The following ACOXL variants were observed in gnomAD, a reference collection of about 807,000 sequenced individuals.
The protein encoded by ACOXL is acyl-coenzyme A oxidase-like protein.
A neutral mutation model predicts 71.9 loss-of-function variants in ACOXL; 70 were observed. The ratio of observed to expected loss-of-function variants is 0.97; its 90% confidence interval spans 0.80 to 1.19. ACOXL has a LOEUF of 1.19. Among genes scored for constraint, ACOXL ranks in the 50% most tolerant of loss-of-function variants. The pLI, the probability that ACOXL is intolerant of heterozygous loss-of-function variation, is 0.00. For synonymous variants in ACOXL, 253 were observed against 281.6 expected, an observed-to-expected ratio of 0.90 and a Z score of 1.02; for missense variants, 703 against 736.3, an observed-to-expected ratio of 0.95 and a Z score of 0.52.
intron 2 of ACOXL, among the ~76,000 whole-genome samples, chr2:110,779,252 C>T (rs1455886542): frequency 6.6e-6 from 1 of 152,182 alleles, no homozygotes; most frequent in African/African-American, 2.4e-5. Context: ...TTACAGAATG[C>T]TCCCAGGATC....
chr2:110,843,838 A>G (rs1691474267), intron 10 of ACOXL, among the ~76,000 whole-genome samples: 1 of 152,168 alleles, frequency 6.6e-6, no homozygotes, highest in African/African-American at 2.4e-5. Context: ...GGATATTTAC[A>G]TAAGTGCAAC....
chr2:110,900,082 CACAT>C lies in ACOXL; in HGVS notation c.789-8703_789-8700del, dbSNP rs1259098983. On this transcript the variant is annotated intron_variant, in intron 10 of 17. Coordinates refer to ENST00000439055, the MANE Select transcript of ACOXL (RefSeq NM_001142807.4). ...GTTAGAAAGCTTTTCAACACACACACACATACACACACACACACACACACACACA... is the reference window on the plus strand; with the variant it reads ...GTTAGAAAGCTTTTCAACACACACACACACACACACACACACACACACACA... Among the ~76,000 whole-genome samples the C allele has an allele frequency of 2.2e-3, 219 of 97,634 alleles. 2 individuals are homozygous for C. The highest frequency in any genetic ancestry group is 6.5e-3 in the African/African-American group (184 of 28,182). The allele number at this position is 97,634 out of a possible 152,430, so 64.1% of individuals were successfully genotyped here. A position where few individuals can be genotyped will look rare whatever the true frequency, so the allele number is the denominator to read the frequency against.
At chr2:110,954,674 A>G (rs3789115) in intron 12 of ACOXL, among the ~76,000 whole-genome samples, 76,708 of 151,958 alleles carry the variant, frequency 0.5, 19,550 homozygotes, top group Middle Eastern at 0.58. Flanking sequence ...TGATCCCACA[A>G]ATTAGCCATC....
chr2:110,741,717 G>C (rs181076390), intron 1 of ACOXL, among the ~76,000 whole-genome samples: 1 of 152,314 alleles, frequency 6.6e-6, no homozygotes, highest in Non-Finnish European at 1.5e-5. Flanking sequence ...TAGATGGGCA[G>C]GTATGAAGAG....
At chr2:110,998,656 G>A (rs1240377568) in intron 14 of ACOXL, among the ~76,000 whole-genome samples, 1 of 152,204 alleles carries the variant, frequency 6.6e-6, no homozygotes, top group Non-Finnish European at 1.5e-5. Context: ...CTTGAACTGA[G>A]TTGATCTGGT....
At position 111,080,548 on chromosome 2, in the gene ACOXL, A is replaced by C. The variant is rs1293280760; in HGVS notation, c.1441-12317A>C. ...TAATTAATAGCCTATCAACCAAAAA[A>C]AGCCCAGGACAAGATGGATTCACAG... On this transcript the variant is annotated intron_variant, in intron 16 of 17. Transcript: ENST00000439055. Among the ~76,000 whole-genome samples, 3 of 152,212 alleles carry C rather than the reference A, an allele frequency of 2.0e-5. No homozygotes were observed. In the East Asian group the frequency reaches 5.8e-4, roughly 29 times the overall value.
chr2:110,963,012 T>G (rs912893044), intron 12 of ACOXL, among the ~76,000 whole-genome samples: 1 of 152,206 alleles, frequency 6.6e-6, no homozygotes, highest in Non-Finnish European at 1.5e-5. Flanking sequence ...CAAACTTACT[T>G]TCTCCTGTGT....
intron 17 of ACOXL, among the ~76,000 whole-genome samples, chr2:111,107,582 G>A (rs952820504): frequency 5.3e-5 from 8 of 152,210 alleles, no homozygotes; most frequent in South Asian, 4.1e-4. Context: ...TCTGCCTCCT[G>A]GATTCAAGTG....
intron 10 of ACOXL, among the ~76,000 whole-genome samples, chr2:110,864,023 A>G (rs113758553): frequency 6.6e-6 from 1 of 152,030 alleles, no homozygotes; most frequent in Non-Finnish European, 1.5e-5. Flanking sequence ...AGCTAAAGCC[A>G]CTCAGATCCC....
intron 17 of ACOXL, among the ~76,000 whole-genome samples, chr2:111,095,011 A>T (rs531906725): frequency 2.4e-4 from 36 of 152,294 alleles, no homozygotes; most frequent in Non-Finnish European, 4.0e-4. Context: ...ACAGGCCCAG[A>T]ACTAACAGTG....
chr2:110,803,163 G>A (rs1240891601), intron 8 of ACOXL, among the ~76,000 whole-genome samples: 1 of 152,088 alleles, frequency 6.6e-6, no homozygotes, highest in Non-Finnish European at 1.5e-5. Flanking sequence ...AAGTCCCCCA[G>A]GCCCCCTCAG....
chr2:110,952,271 A>G (rs1440054402), intron 12 of ACOXL, among the ~76,000 whole-genome samples: 1 of 152,184 alleles, frequency 6.6e-6, no homozygotes, highest in African/African-American at 2.4e-5. Flanking sequence ...CATAAAGTCC[A>G]TGATACCCTT....
intron 10 of ACOXL, among the ~76,000 whole-genome samples, chr2:110,875,749 C>T (rs950759893): frequency 1.3e-5 from 2 of 152,174 alleles, no homozygotes; most frequent in Non-Finnish European, 2.9e-5. Flanking sequence ...GCCGCCTGAC[C>T]TCTGTGAGCC....
intron 10 of ACOXL, among the ~76,000 whole-genome samples, chr2:110,871,270 G>A (rs1011885229): frequency 2.0e-5 from 3 of 152,042 alleles, no homozygotes; most frequent in Non-Finnish European, 2.9e-5. Context: ...GGTCTCCAGT[G>A]GTTTCTGTTG....
intron 10 of ACOXL, among the ~76,000 whole-genome samples, chr2:110,897,919 T>C (rs1335797360): frequency 6.6e-6 from 1 of 152,134 alleles, no homozygotes; most frequent in Non-Finnish European, 1.5e-5. Context: ...GATATTATTG[T>C]AGACACTGAG....
At chr2:111,019,887 G>T (rs2064664095) in intron 14 of ACOXL, among the ~76,000 whole-genome samples, 1 of 151,962 alleles carries the variant, frequency 6.6e-6, no homozygotes, top group Non-Finnish European at 1.5e-5. Flanking sequence ...TTGAAACGGA[G>T]TCTCCCGCTA....
At chr2:110,806,657 T>C (rs1469959677) in intron 9 of ACOXL, among the ~76,000 whole-genome samples, 1 of 152,224 alleles carries the variant, frequency 6.6e-6, no homozygotes, top group African/African-American at 2.4e-5. Flanking sequence ...CTCTGCACAA[T>C]ATCCCCTCTA....
At chr2:111,066,541 G>T (rs1287189344) in intron 16 of ACOXL, among the ~76,000 whole-genome samples, 1 of 152,102 alleles carries the variant, frequency 6.6e-6, no homozygotes, top group Non-Finnish European at 1.5e-5. Context: ...GGGCGAAACT[G>T]GGTAAAAGAT....
At chr2:111,015,140 T>C (rs1031262861) in intron 14 of ACOXL, among the ~76,000 whole-genome samples, 3 of 152,218 alleles carry the variant, frequency 2.0e-5, no homozygotes, top group Non-Finnish European at 4.4e-5. Flanking sequence ...AAAGTGAACA[T>C]TTTTCTTCTC....
Sources: gnomAD v4.1 joint callset for allele counts (sites outside exome capture counted in the v4.1 genomes callset) on GRCh38, gnomAD v4.1.1 for gene constraint, MANE v1.5 for transcripts, NCBI Gene and HGNC (gene_info 2026-07-23, HGNC 2026-07-21) for gene names.